The following SLC24A2 variants were observed in gnomAD, a reference collection of about 807,000 sequenced individuals.
The protein encoded by SLC24A2 is solute carrier family 24 member 2, also known as sodium/potassium/calcium exchanger 2.
Under a neutral mutation model 62.0 loss-of-function variants are expected in SLC24A2, and 36 were observed. That is an observed-to-expected ratio of 0.58 (90% CI 0.44 to 0.77). The LOEUF is 0.77. Ranked by LOEUF, SLC24A2 falls within the 30% of genes least tolerant of loss-of-function variation. The pLI is 0.00. For synonymous variants in SLC24A2, 358 were observed against 294.0 expected (o/e 1.22, Z -2.23); for missense variants, 846 against 817.9 (o/e 1.03, Z -0.42).
chr9:20,102,438 A>G, the SLC24A2 span, among the ~76,000 whole-genome samples: 3 of 150,454 alleles, frequency 2.0e-5, no homozygotes, highest in Non-Finnish European at 4.4e-5. Context: ...TGGGAGTTGA[A>G]CATTGAGAAC....
chr9:19,612,993 G>A (rs1400521020), intron 4 of SLC24A2, among the ~76,000 whole-genome samples: 1 of 152,174 alleles, frequency 6.6e-6, no homozygotes, highest in African/African-American at 2.4e-5. Flanking sequence ...CATCCATCTG[G>A]GCAGGTCACC....
chr9:20,119,194 CT>C, the SLC24A2 span, among the ~76,000 whole-genome samples: 1 of 152,130 alleles, frequency 6.6e-6, no homozygotes, highest in African/African-American at 2.4e-5. Flanking sequence ...TTAGTTTAGC[CT>C]TCCAACGAGA....
chr9:20,013,957 C>T, the SLC24A2 span, among the ~76,000 whole-genome samples: 1 of 152,118 alleles, frequency 6.6e-6, no homozygotes, highest in Non-Finnish European at 1.5e-5. Context: ...GCCTGTTATC[C>T]TAGCACTTTG....
At chr9:20,049,298 T>G in the SLC24A2 span, among the ~76,000 whole-genome samples, 2 of 152,206 alleles carry the variant, frequency 1.3e-5, no homozygotes, top group Non-Finnish European at 1.5e-5. Flanking sequence ...TATGAAAATG[T>G]CCATATAATT....
At chr9:19,819,388 AAC>A in the SLC24A2 span, among the ~76,000 whole-genome samples, 28 of 152,334 alleles carry the variant, frequency 1.8e-4, no homozygotes, top group South Asian at 3.9e-3. Flanking sequence ...CGGCAAAGGG[AAC>A]AGTCAGTAGA....
the SLC24A2 span, among the ~76,000 whole-genome samples, chr9:19,801,338 C>G: frequency 6.6e-6 from 1 of 152,188 alleles, no homozygotes; most frequent in Admixed American, 6.5e-5. Context: ...CTGGGAGTGG[C>G]AGTGGGTGCC....
At chr9:20,237,375 C>T in the SLC24A2 span, among the ~76,000 whole-genome samples, 1 of 152,148 alleles carries the variant, frequency 6.6e-6, no homozygotes, top group African/African-American at 2.4e-5. Flanking sequence ...AAGTCTATTA[C>T]CCATGATTAC....
the SLC24A2 span, among the ~76,000 whole-genome samples, chr9:19,919,885 G>A: frequency 9.3e-4 from 142 of 152,214 alleles, no homozygotes; most frequent in Admixed American, 3.4e-3. Context: ...GGTCCCTGCC[G>A]TGACATGCTG....
the SLC24A2 span, among the ~76,000 whole-genome samples, chr9:20,046,040 A>G: frequency 6.6e-6 from 1 of 152,194 alleles, no homozygotes; most frequent in Non-Finnish European, 1.5e-5. Context: ...AGCTGCTCTC[A>G]TATCAAAAGT....
chr9:20,205,525 C>G, the SLC24A2 span, among the ~76,000 whole-genome samples: 10 of 151,842 alleles, frequency 6.6e-5, no homozygotes, highest in African/African-American at 2.4e-4. Flanking sequence ...GTGGCAGGCT[C>G]CTGTAGTCCT....
At chr9:19,870,274 T>C in the SLC24A2 span, among the ~76,000 whole-genome samples, 1 of 152,212 alleles carries the variant, frequency 6.6e-6, no homozygotes, top group African/African-American at 2.4e-5. Flanking sequence ...AATGGAATCA[T>C]AGCCTTCTAT....
intron 2 of SLC24A2, among the ~76,000 whole-genome samples, chr9:19,770,761 A>G (rs527581028): frequency 6.6e-6 from 1 of 152,216 alleles, no homozygotes; most frequent in Non-Finnish European, 1.5e-5. Flanking sequence ...AGTCAGTAAG[A>G]TCCTCAGAAA....
intron 7 of SLC24A2, among the ~76,000 whole-genome samples, chr9:19,561,286 T>A (rs918123700): frequency 6.6e-6 from 1 of 151,944 alleles, no homozygotes; most frequent in Non-Finnish European, 1.5e-5. Flanking sequence ...TCCTCTACTT[T>A]CCTATCACTT....
At chr9:20,183,635 C>T in the SLC24A2 span, among the ~76,000 whole-genome samples, 3 of 152,228 alleles carry the variant, frequency 2.0e-5, no homozygotes, top group African/African-American at 7.2e-5. Context: ...AGGATATGCA[C>T]TTGCTCTGGG....
At chr9:19,779,432 T>A (rs955619290) in intron 2 of SLC24A2, among the ~76,000 whole-genome samples, 1 of 152,192 alleles carries the variant, frequency 6.6e-6, no homozygotes, top group African/African-American at 2.4e-5. Context: ...AAAAACGGAA[T>A]TGAGAGACAG....
intron 2 of SLC24A2, among the ~76,000 whole-genome samples, chr9:19,649,011 A>AAC (rs1818724109): frequency 1.3e-5 from 2 of 151,120 alleles, no homozygotes; most frequent in Non-Finnish European, 3.0e-5. Flanking sequence ...CAAAAAAAAA[A>AAC]AAAAAAAACA....
the SLC24A2 span, among the ~76,000 whole-genome samples, chr9:20,070,728 C>T: frequency 2.0e-5 from 3 of 152,176 alleles, no homozygotes; most frequent in African/African-American, 4.8e-5. Context: ...AGGATTAATG[C>T]TCAAAAACCC....
the SLC24A2 span, among the ~76,000 whole-genome samples, chr9:20,258,858 G>A: frequency 1.0e-5 from 1 of 96,198 alleles, no homozygotes; most frequent in African/African-American, 4.0e-5. Flanking sequence ...TCTATCTAAT[G>A]TCTATCTATC....
chr9:19,885,025 A>AT, the SLC24A2 span, among the ~76,000 whole-genome samples: 2 of 152,066 alleles, frequency 1.3e-5, no homozygotes, highest in African/African-American at 4.8e-5. Context: ...GAGGACTAGA[A>AT]TTTTTTCAGG....
Sources: gnomAD v4.1 joint callset for allele counts (sites outside exome capture counted in the v4.1 genomes callset) on GRCh38, gnomAD v4.1.1 for gene constraint, MANE v1.5 for transcripts, NCBI Gene and HGNC (gene_info 2026-07-23, HGNC 2026-07-21) for gene names.